Variants in CDR2L observed in about 807,000 individuals in gnomAD.
The protein encoded by CDR2L is cerebellar degeneration related protein 2 like, also known as cerebellar degeneration-related protein 2-like.
CDR2L carries 19 observed loss-of-function variants against 36.1 expected under a neutral mutation model. That is an observed-to-expected ratio of 0.53 (90% CI 0.37 to 0.77). The LOEUF is 0.77. Among genes scored for constraint, CDR2L ranks in the 30% least tolerant of loss-of-function variants. The pLI is 0.00. For synonymous variants in CDR2L, 285 were observed against 280.4 expected, an observed-to-expected ratio of 1.02 and a Z score of -0.16; for missense variants, 575 against 627.2, an observed-to-expected ratio of 0.92 and a Z score of 0.89.
At chr17:74,993,321 A>C (rs531089202) in intron 1 of CDR2L, among the ~76,000 whole-genome samples, 1 of 151,710 alleles carries the variant, frequency 6.6e-6, no homozygotes, top group African/African-American at 2.4e-5. Flanking sequence ...TCCATCGCCC[A>C]GGCTGGAGTT....
chr17:75,000,963 G>A (rs1033815247), intron 2 of CDR2L, among the ~76,000 whole-genome samples: 1 of 151,730 alleles, frequency 6.6e-6, no homozygotes, highest in African/African-American at 2.4e-5. Flanking sequence ...GGCTGGCGTG[G>A]TGGTGCATGC....
At chr17:74,990,144 TG>T (rs758167265) in intron 1 of CDR2L, among the ~76,000 whole-genome samples, 1 of 151,918 alleles carries the variant, frequency 6.6e-6, no homozygotes, top group Non-Finnish European at 1.5e-5. Flanking sequence ...GGCATAGAGG[TG>T]GGAGATGCGC....
chr17:75,003,656 C>T lies in CDR2L; in HGVS notation c.980C>T (p.Ala327Val). 1 of 1,458,804 alleles carries T rather than the reference C, an allele frequency of 6.9e-7. No homozygotes were observed. Among genetic ancestry groups the T allele is most frequent in the Non-Finnish European group, 9.1e-7 (1 of 1,104,968 alleles). 90.4% of individuals were successfully genotyped at this position (1,458,804 alleles called of 1,614,324 possible). ...CSDTALNAIV[A>V]KDPASRHAGN... ...GACACTGCGCTCAACGCCATCGTGG[C>T]CAAAGACCCAGCCAGCCGGCACGCG... Residue 327 changes from alanine (A) to valine (V), a missense_variant, in exon 5 of 5, where the codon GCC (alanine) becomes GTC (valine). Coordinates refer to ENST00000337231, the MANE Select transcript of CDR2L (RefSeq NM_014603.3).
rs1159757817 is a variant in CDR2L, at chr17:75,002,576, C to T, written c.506+348C>T. Among the ~76,000 whole-genome samples the T allele has an allele frequency of 1.3e-5, 2 of 152,314 alleles. No homozygotes were observed. Among genetic ancestry groups the T allele is most frequent in the East Asian group, 3.9e-4 (2 of 5,190 alleles). On this transcript the variant is annotated intron_variant, in intron 4 of 4. Transcript: ENST00000337231. This position sits in a 1 kb window ranked among gnomAD's most constrained non-coding sequence, Gnocchi z 4.1. ...GTAACCCACTGTGCTTTTCAGTTCC[C>T]ATTAAATCTAACACTAGACAACCAC...
intron 2 of CDR2L, 32 bp downstream of exon 2, chr17:74,999,648 C>G (rs754960848): frequency 7.4e-7 from 1 of 1,352,120 alleles, no homozygotes; most frequent in South Asian, 1.3e-5. Context: ...GCCCACACCC[C>G]TCGAGGGCCC....
At chr17:74,991,406 T>TAAAAAAAA (rs36002396) in intron 1 of CDR2L, among the ~76,000 whole-genome samples, 1 of 103,610 alleles carries the variant, frequency 9.7e-6, no homozygotes, top group Non-Finnish European at 1.9e-5. Flanking sequence ...ACTCTGTCTT[T>TAAAAAAAA]AAAAAAAAAA....
At position 75,004,897 on chromosome 17, in the gene CDR2L, C is replaced by T. The variant is rs2039894147; in HGVS notation, c.*823C>T. 1 of 153,088 alleles carries T rather than the reference C, an allele frequency of 6.5e-6. No individual in the cohort carries two copies. Among genetic ancestry groups the T allele is most frequent in the Non-Finnish European group, 1.5e-5 (1 of 68,430 alleles). 9.5% of individuals were successfully genotyped at this position (153,088 alleles called of 1,614,324 possible). On this transcript the variant is annotated 3_prime_UTR_variant, in exon 5 of 5. Coordinates refer to ENST00000337231, the MANE Select transcript of CDR2L (RefSeq NM_014603.3). ...GGCCGGGGCAGTGGGGAGCCCCCAT[C>T]CCTTCACACCGCCACCAACTAACCA...
chr17:74,993,288 T>C (rs1200929643), intron 1 of CDR2L, among the ~76,000 whole-genome samples: 1 of 152,052 alleles, frequency 6.6e-6, no homozygotes, highest in East Asian at 1.9e-4. Context: ...CAATCTTTTT[T>C]TTTTTTCAAG....
At chr17:75,003,100 C>T in intron 4 of CDR2L, 83 bp from the exon 5 acceptor site, 1 of 1,429,258 alleles carries the variant, frequency 7.0e-7, no homozygotes. Flanking sequence ...AGCGCCCTGG[C>T]TGGGCTGCTC....
intron 1 of CDR2L, among the ~76,000 whole-genome samples, chr17:74,991,766 C>T (rs2039798891): frequency 6.6e-6 from 1 of 152,174 alleles, no homozygotes; most frequent in Non-Finnish European, 1.5e-5. Flanking sequence ...AGCACTGGCA[C>T]TCCCTCTTTC....
rs1311872580 is a variant in CDR2L at position 75,004,158 on chromosome 17, G to C, written c.*84G>C. Reference sequence around the variant, plus strand: ...GCGGTGCAGCTTCCAGAGAGCGAGCGCCCTTTAGCGGCCTGCCACCACAGC... The same window carrying C: ...GCGGTGCAGCTTCCAGAGAGCGAGCCCCCTTTAGCGGCCTGCCACCACAGC... On this transcript the variant is annotated 3_prime_UTR_variant, in exon 5 of 5. Transcript: ENST00000337231. The C allele has an allele frequency of 3.2e-6, 4 of 1,232,944 alleles. No homozygotes were observed. Among genetic ancestry groups the C allele is most frequent in the Non-Finnish European group, 4.5e-6 (4 of 898,140 alleles). The allele number at this position is 1,232,944 out of a possible 1,614,324, so 76.4% of individuals were successfully genotyped here.
intron 1 of CDR2L, among the ~76,000 whole-genome samples, chr17:74,998,156 C>T (rs916391840): frequency 2.6e-5 from 4 of 151,766 alleles, no homozygotes; most frequent in Non-Finnish European, 4.4e-5. Flanking sequence ...ACCTGGGAGG[C>T]GGAGGTTGCA....
At chr17:74,990,765 G>T (rs758113513) in intron 1 of CDR2L, among the ~76,000 whole-genome samples, 3 of 152,264 alleles carry the variant, frequency 2.0e-5, no homozygotes, top group Non-Finnish European at 4.4e-5. Flanking sequence ...CAGGGGCCAG[G>T]CATGGAGAGC....
chr17:75,003,855 C>T lies in CDR2L; in HGVS notation c.1179C>T (p.Ser393=). The part of the protein sequence containing the change: ...HAGVQTSRPI[S]RDSSWRDLRG... The stretch of plus-strand genomic sequence containing the variant: ...GCGTGCAGACCTCGCGCCCCATCTC[C>T]CGGGACAGCTCGTGGAGGGACCTGC... Residue 393 remains serine (S), a synonymous_variant, in exon 5 of 5, where the codon TCC becomes TCT. Coordinates refer to ENST00000337231, the MANE Select transcript of CDR2L (RefSeq NM_014603.3). 2 of 1,587,546 alleles carry T rather than the reference C, an allele frequency of 1.3e-6. No homozygotes were observed. Among genetic ancestry groups the T allele is most frequent in the South Asian group, 2.3e-5 (2 of 87,094 alleles).
intron 1 of CDR2L, among the ~76,000 whole-genome samples, chr17:74,995,991 CTT>C (rs113729536): frequency 6.8e-6 from 1 of 146,574 alleles, no homozygotes; most frequent in Non-Finnish European, 1.5e-5. Flanking sequence ...CTGCCTAAAT[CTT>C]TTTTTTTTTT....
In CDR2L at chr17:75,002,697, A is replaced by T. The variant is rs2039874215; in HGVS notation, c.506+469A>T. Among the ~76,000 whole-genome samples, 1 of 152,198 alleles carries T rather than the reference A, an allele frequency of 6.6e-6. No homozygotes were observed. Among genetic ancestry groups the T allele is most frequent in the South Asian group, 2.1e-4 (1 of 4,824 alleles). On this transcript the variant is annotated intron_variant, in intron 4 of 4. Coordinates refer to ENST00000337231, the MANE Select transcript of CDR2L (RefSeq NM_014603.3). This position sits in a 1 kb window ranked among gnomAD's most constrained non-coding sequence, Gnocchi z 4.1. ...CTTACACAGAGTAATGGAGAAGTTA[A>T]ATGAAGAAGAGGTGTGGGCAGGGGG... is the stretch of plus-strand genomic sequence containing the variant.
At chr17:75,003,117 G>C (rs2039876741) in intron 4 of CDR2L, 66 bp from the exon 5 acceptor site, 1 of 1,509,834 alleles carries the variant, frequency 6.6e-7, no homozygotes. Context: ...GCTCGGCCTT[G>C]GCCGTGCCCG....
chr17:74,992,057 C>T (rs1443104785), intron 1 of CDR2L, among the ~76,000 whole-genome samples: 1 of 152,194 alleles, frequency 6.6e-6, no homozygotes, highest in African/African-American at 2.4e-5. Context: ...AACAGGACCT[C>T]ACAGCCCTGC....
intron 2 of CDR2L, among the ~76,000 whole-genome samples, chr17:75,000,096 C>T (rs1364594603): frequency 6.6e-6 from 1 of 151,880 alleles, no homozygotes; most frequent in African/African-American, 2.4e-5. Flanking sequence ...GGCAACATGG[C>T]GAAACCTTGT....
Sources: allele counts gnomAD v4.1 joint callset (sites outside exome capture counted in the v4.1 genomes callset), GRCh38; gene constraint gnomAD v4.1.1; non-coding constraint Gnocchi (gnomAD v3.1); transcripts MANE v1.5; gene names NCBI Gene and HGNC (gene_info 2026-07-23, HGNC 2026-07-21).